CACNB4: variants seen among roughly 807,000 people sequenced by gnomAD.
The protein encoded by CACNB4 is calcium voltage-gated channel auxiliary subunit beta 4.
CACNB4 carries 32 observed loss-of-function variants against 71.2 expected under a neutral mutation model. That is an observed-to-expected ratio of 0.45 (90% CI 0.34 to 0.60). The LOEUF (loss-of-function observed/expected upper bound fraction) is 0.60, where lower values mean the gene tolerates loss of function less well. Among genes scored for constraint, CACNB4 ranks in the 20% least tolerant of loss-of-function variants. CACNB4 has a pLI of 0.01. For missense variants in CACNB4, 464 were observed against 647.9 expected (o/e 0.72, Z 3.08); for synonymous variants, 231 against 236.9 (o/e 0.97, Z 0.23).
chr2:151,959,064 T>A (rs1351449479), intron 2 of CACNB4, among the ~76,000 whole-genome samples: 4 of 152,190 alleles, frequency 2.6e-5, no homozygotes. Flanking sequence ...GCCCAATCAG[T>A]AATCTGGGAA....
chr2:151,889,571 T>C (rs1367297938), intron 2 of CACNB4, among the ~76,000 whole-genome samples: 2 of 152,146 alleles, frequency 1.3e-5, no homozygotes, highest in East Asian at 1.9e-4. Context: ...TTCTCTGTTG[T>C]TTGTAATGAC....
At chr2:151,897,132 T>C (rs10192298) in intron 2 of CACNB4, among the ~76,000 whole-genome samples, 33,295 of 152,234 alleles carry the variant, frequency 0.22, 3,849 homozygotes, top group Middle Eastern at 0.39. Context: ...GCACATCATC[T>C]TGATTTCTCT....
At chr2:151,982,564 C>T (rs1178115780) in intron 2 of CACNB4, among the ~76,000 whole-genome samples, 1 of 147,594 alleles carries the variant, frequency 6.8e-6, no homozygotes, top group South Asian at 2.1e-4. Context: ...AACCTGGAGG[C>T]GGAGCTTGCA....
chr2:151,868,232 A>G (rs2099843682), intron 9 of CACNB4: 1 of 152,228 alleles, frequency 6.6e-6, no homozygotes, highest in East Asian at 1.9e-4. Flanking sequence ...GTGGATTCTC[A>G]TAATTTAGCA....
intron 2 of CACNB4, among the ~76,000 whole-genome samples, chr2:151,935,148 AAAT>A (rs1228688286): frequency 3.9e-5 from 6 of 152,228 alleles, no homozygotes; most frequent in African/African-American, 1.4e-4. Flanking sequence ...TAGTACTTCA[AAAT>A]AATGACTCAC....
chr2:152,064,679 G>A (rs557097134), intron 2 of CACNB4, among the ~76,000 whole-genome samples: 8 of 152,248 alleles, frequency 5.3e-5, no homozygotes, highest in East Asian at 1.9e-4. Flanking sequence ...CACCACGCCC[G>A]GCCCTATAAT....
chr2:151,973,415 A>G (rs2099873147), intron 2 of CACNB4: 1 of 507,326 alleles, frequency 2.0e-6, no homozygotes, highest in South Asian at 2.9e-5. Context: ...GGTAATGTAT[A>G]AATTCAAACA....
intron 2 of CACNB4, among the ~76,000 whole-genome samples, chr2:152,094,185 G>A (rs564528390): frequency 6.3e-4 from 96 of 152,192 alleles, no homozygotes; most frequent in Non-Finnish European, 1.2e-3. Flanking sequence ...TTGGGGAACT[G>A]ACTTTATCAG....
intron 5 of CACNB4, chr2:151,874,984 G>A (rs1250434620): frequency 7.5e-6 from 3 of 399,020 alleles, no homozygotes; most frequent in Non-Finnish European, 1.3e-5. Flanking sequence ...GGGTGGAGAA[G>A]GTACTATCAG....
At chr2:151,848,949 TA>T (rs995252600) in intron 12 of CACNB4, among the ~76,000 whole-genome samples, 5 of 151,778 alleles carry the variant, frequency 3.3e-5, no homozygotes, top group Non-Finnish European at 7.4e-5. Context: ...CAAAAAGAAA[TA>T]AAAAAATGTA....
At chr2:151,873,114 A>T (rs765341783) in intron 5 of CACNB4, 4 of 152,176 alleles carry the variant, frequency 2.6e-5, no homozygotes, top group Non-Finnish European at 5.9e-5. Context: ...AAACTTTGAA[A>T]ATGATAATAA....
At chr2:151,935,898 C>T (rs1055427572) in intron 2 of CACNB4, among the ~76,000 whole-genome samples, 1 of 152,192 alleles carries the variant, frequency 6.6e-6, no homozygotes, top group Admixed American at 6.5e-5. Flanking sequence ...ATCTGGATTG[C>T]TTTCCAAAAG....
intron 2 of CACNB4, among the ~76,000 whole-genome samples, chr2:151,928,604 C>A (rs2099860841): frequency 6.6e-6 from 1 of 152,166 alleles, no homozygotes; most frequent in Admixed American, 6.5e-5. Context: ...AATCTCTGTG[C>A]TTCGTTTGGT....
At chr2:152,058,269 G>A (rs777983416) in intron 2 of CACNB4, among the ~76,000 whole-genome samples, 11 of 152,222 alleles carry the variant, frequency 7.2e-5, no homozygotes, top group South Asian at 4.1e-4. Flanking sequence ...AATTGGTACC[G>A]CAAAGAGGGG....
intron 2 of CACNB4, among the ~76,000 whole-genome samples, chr2:151,944,589 C>T (rs1171709149): frequency 4.6e-5 from 7 of 152,180 alleles, no homozygotes; most frequent in Admixed American, 2.0e-4. Context: ...GTCAGGAGTT[C>T]GAGACCAGCC....
intron 2 of CACNB4, among the ~76,000 whole-genome samples, chr2:151,960,222 G>A (rs980124007): frequency 6.6e-6 from 1 of 152,062 alleles, no homozygotes; most frequent in Non-Finnish European, 1.5e-5. Flanking sequence ...CATATGCCAG[G>A]CACACACCCT....
At chr2:151,855,670 T>G (rs548133702) in intron 10 of CACNB4, among the ~76,000 whole-genome samples, 1 of 152,260 alleles carries the variant, frequency 6.6e-6, no homozygotes, top group African/African-American at 2.4e-5. Context: ...TGTTTTTGAT[T>G]GTTGTTTTGT....
chr2:151,965,302 G>A (rs2099870786), intron 2 of CACNB4, among the ~76,000 whole-genome samples: 1 of 152,202 alleles, frequency 6.6e-6, no homozygotes, highest in African/African-American at 2.4e-5. Context: ...TTGGGCTCAA[G>A]TCAGGACTGA....
At chr2:151,977,939 T>C (rs1008305428) in intron 2 of CACNB4, among the ~76,000 whole-genome samples, 3 of 152,230 alleles carry the variant, frequency 2.0e-5, no homozygotes, top group Non-Finnish European at 2.9e-5. Flanking sequence ...TTTTACTAAG[T>C]GACTACAGTG....
Sources: gnomAD v4.1 joint callset for allele counts (sites outside exome capture counted in the v4.1 genomes callset) on GRCh38, gnomAD v4.1.1 for gene constraint, MANE v1.5 for transcripts, NCBI Gene and HGNC (gene_info 2026-07-23, HGNC 2026-07-21) for gene names.